MICU3: variants seen among roughly 807,000 people sequenced by gnomAD.
MICU3 encodes mitochondrial calcium uptake 3.
In MICU3, 62 loss-of-function variants were observed where a neutral mutation model predicts 66.5. The observed-to-expected ratio is 0.93, with a 90% CI of 0.76 to 1.15. MICU3 has a LOEUF of 1.15. Among genes scored for constraint, MICU3 ranks in the 50% most tolerant of loss-of-function variants. The pLI is 0.00. For synonymous variants in MICU3, 308 were observed against 240.7 expected (o/e 1.28, Z -2.59); for missense variants, 779 against 664.4 (o/e 1.17, Z -1.90).
At chr8:17,127,384 T>C (rs751827872), downstream of MICU3, among the ~76,000 whole-genome samples, 30 of 152,202 alleles carry the variant, frequency 2.0e-4, no homozygotes, top group Non-Finnish European at 3.7e-4. Flanking sequence ...CCCTGCTAAG[T>C]AGGCAAATTT....
intron 1 of MICU3, among the ~76,000 whole-genome samples, chr8:17,055,494 T>C (rs1816783889): frequency 6.6e-6 from 1 of 152,220 alleles, no homozygotes; most frequent in South Asian, 2.1e-4. Context: ...AGTTAGGGTA[T>C]AGATGTCCAG....
chr8:17,087,878 A>G (rs1001293381), intron 7 of MICU3, among the ~76,000 whole-genome samples: 4 of 152,080 alleles, frequency 2.6e-5, no homozygotes, highest in African/African-American at 9.7e-5. Context: ...CCAGAAATAC[A>G]GTGAATTTTG....
intron 1 of MICU3, 31 bp downstream of exon 1, chr8:17,027,691 CG>C (rs1811247462): frequency 7.9e-7 from 1 of 1,266,892 alleles, no homozygotes; most frequent in Non-Finnish European, 9.9e-7. Flanking sequence ...CACACCTGCG[CG>C]GGGGATGTGA....
chr8:17,118,719 G>T lies in MICU3; in HGVS notation c.1537G>T (p.Val513Phe). 6.2e-7 allele frequency: 1 copy of T among 1,610,910 alleles called. No homozygotes were observed. The highest frequency in any genetic ancestry group is 8.5e-7 in the Non-Finnish European group (1 of 1,177,408). ...LHRGFRGYKT[V>F]QKYPTFKSCL... ...TTCTGTTTTACAGGGTTATAAAACA[G>T]TCCAGAAGTACCCCACTTTCAAATC... is the stretch of plus-strand genomic sequence containing the variant. The change falls in exon 14 of 15, where the codon GTC (valine) becomes TTC (phenylalanine). Residue 513 changes from valine (V) to phenylalanine (F), a missense_variant. Val to Phe is a conservative substitution (Grantham distance 50). Coordinates refer to ENST00000318063, the MANE Select transcript of MICU3 (RefSeq NM_181723.3).
chr8:17,056,888 G>A (rs995481166), intron 1 of MICU3, among the ~76,000 whole-genome samples: 25 of 152,298 alleles, frequency 1.6e-4, no homozygotes, highest in Middle Eastern at 6.8e-3. Flanking sequence ...TGGAGTCATC[G>A]CCAGAGAAAT....
At chr8:17,046,975 C>G (rs1280729408) in intron 1 of MICU3, among the ~76,000 whole-genome samples, 1 of 152,084 alleles carries the variant, frequency 6.6e-6, no homozygotes, top group Non-Finnish European at 1.5e-5. Flanking sequence ...TAACACTGGC[C>G]ATATGTGATT....
At chr8:17,078,206 A>G (rs1820666957) in intron 4 of MICU3, among the ~76,000 whole-genome samples, 1 of 152,084 alleles carries the variant, frequency 6.6e-6, no homozygotes, top group South Asian at 2.1e-4. Context: ...TTTCACAAAA[A>G]TACTAGATCT....
At chr8:17,034,783 A>G (rs1812695078) in intron 1 of MICU3, among the ~76,000 whole-genome samples, 1 of 152,264 alleles carries the variant, frequency 6.6e-6, no homozygotes, top group Non-Finnish European at 1.5e-5. Context: ...ACTTGCCTCT[A>G]TGAATGAGCA....
At chr8:17,105,358 T>C in intron 10 of MICU3, 55 bp from the exon 11 acceptor site, 1 of 1,062,758 alleles carries the variant, frequency 9.4e-7, no homozygotes, top group South Asian at 1.5e-5. Flanking sequence ...GCTCATCTCC[T>C]GTTACGATTA....
intron 1 of MICU3, among the ~76,000 whole-genome samples, chr8:17,041,518 G>A (rs971240798): frequency 2.0e-4 from 30 of 152,096 alleles, no homozygotes; most frequent in Non-Finnish European, 1.3e-4. Flanking sequence ...ACTAAGTGAG[G>A]TAAGTGTTGA....
At chr8:17,034,372 G>C (rs1273666144) in intron 1 of MICU3, among the ~76,000 whole-genome samples, 2 of 152,202 alleles carry the variant, frequency 1.3e-5, no homozygotes, top group East Asian at 1.9e-4. Flanking sequence ...TTTTATGTCT[G>C]CTAACACAGT....
At chr8:17,078,184 C>G (rs1420767709) in intron 4 of MICU3, among the ~76,000 whole-genome samples, 12 of 151,308 alleles carry the variant, frequency 7.9e-5, no homozygotes, top group Admixed American at 7.9e-4. Context: ...TTATATTTAC[C>G]CAAAGAAAAC....
At chr8:17,088,407 A>G (rs1799693913) in intron 7 of MICU3, among the ~76,000 whole-genome samples, 1 of 152,136 alleles carries the variant, frequency 6.6e-6, no homozygotes, top group Non-Finnish European at 1.5e-5. Flanking sequence ...AGCAAAGAAG[A>G]CTAGAGAATT....
chr8:17,046,307 T>C (rs1309717751), intron 1 of MICU3, among the ~76,000 whole-genome samples: 1 of 152,154 alleles, frequency 6.6e-6, no homozygotes, highest in Admixed American at 6.5e-5. Flanking sequence ...CAGAACTGAT[T>C]GATTGCTTGA....
At chr8:17,069,367 C>A (rs2150666511) in intron 2 of MICU3, among the ~76,000 whole-genome samples, 1 of 152,092 alleles carries the variant, frequency 6.6e-6, no homozygotes, top group South Asian at 2.1e-4. Context: ...ATTATTTGTG[C>A]TTTTAAGCCC....
chr8:17,094,078 G>A (rs980271778), intron 8 of MICU3, among the ~76,000 whole-genome samples: 1 of 151,848 alleles, frequency 6.6e-6, no homozygotes, highest in Admixed American at 6.6e-5. Context: ...GCTTTGTTCT[G>A]TGGTTTTACC....
downstream of MICU3, among the ~76,000 whole-genome samples, chr8:17,125,943 T>A (rs2150853113): frequency 6.7e-6 from 1 of 149,780 alleles, no homozygotes; most frequent in East Asian, 2.0e-4. Context: ...GGCAGGAGAA[T>A]CACTTGAACC....
chr8:17,037,977 T>C (rs1165910191), intron 1 of MICU3, among the ~76,000 whole-genome samples: 1 of 152,208 alleles, frequency 6.6e-6, no homozygotes, highest in African/African-American at 2.4e-5. Flanking sequence ...GGAATGGGTG[T>C]GTTTACCCAA....
intron 3 of MICU3, among the ~76,000 whole-genome samples, chr8:17,074,778 A>G (rs1820131995): frequency 6.6e-6 from 1 of 152,004 alleles, no homozygotes; most frequent in African/African-American, 2.4e-5. Context: ...AATAGTACTT[A>G]TTTAAGAAAA....
Sources: gnomAD v4.1 joint callset for allele counts (sites outside exome capture counted in the v4.1 genomes callset) on GRCh38, gnomAD v4.1.1 for gene constraint, MANE v1.5 for transcripts, NCBI Gene and HGNC (gene_info 2026-07-23, HGNC 2026-07-21) for gene names.